Variants in AHNAK observed in about 807,000 individuals in gnomAD.
The protein encoded by AHNAK is AHNAK nucleoprotein, also known as neuroblast differentiation-associated protein AHNAK.
In AHNAK, 23 loss-of-function variants were observed where a neutral mutation model predicts 37.8. The observed-to-expected ratio is 0.61, with a 90% CI of 0.44 to 0.86. The LOEUF (loss-of-function observed/expected upper bound fraction) is 0.86, where lower values mean the gene tolerates loss of function less well. Ranked by LOEUF, AHNAK falls within the 40% of genes least tolerant of loss-of-function variation. AHNAK has a pLI of 0.00. For missense variants in AHNAK, 7,411 were observed against 7,319.4 expected, an observed-to-expected ratio of 1.01 and a Z score of -0.46; for synonymous variants, 2,481 against 2,636.3, an observed-to-expected ratio of 0.94 and a Z score of 1.80.
downstream of AHNAK, among the ~76,000 whole-genome samples, chr11:62,514,486 G>C (rs931405307): frequency 3.3e-5 from 5 of 152,190 alleles, no homozygotes; most frequent in African/African-American, 1.2e-4. Context: ...TGCAGCAGGG[G>C]GTTTCTGTAG....
At chr11:62,453,006 G>A (rs1437663951) in intron 5 of AHNAK, among the ~76,000 whole-genome samples, 1 of 152,060 alleles carries the variant, frequency 6.6e-6, no homozygotes, top group Non-Finnish European at 1.5e-5. Context: ...GTGGGCAACA[G>A]AGCGAGACTC....
In AHNAK at chr11:62,441,239, T is replaced by C. The variant is rs909787068; in HGVS notation, c.443-7348A>G. Among the ~76,000 whole-genome samples the C allele has an allele frequency of 1.7e-4, 26 of 151,966 alleles. 1 individual carries two copies. The highest frequency in any genetic ancestry group is 6.0e-4 in the African/African-American group (25 of 41,472). On this transcript the variant is annotated intron_variant, in intron 5 of 5. Transcript: ENST00000257247. ...CTAGTCTCGAACTCCTGACCTCAAG[T>C]GATCTGCCCACCTTGGCCTCCCAAA...
At chr11:62,495,819 C>T (rs1939597970) in intron 4 of AHNAK, among the ~76,000 whole-genome samples, 1 of 150,762 alleles carries the variant, frequency 6.6e-6, no homozygotes, top group Admixed American at 6.6e-5. Context: ...GAAGCCAAGG[C>T]GGTTGAATTA....
chr11:62,480,518 G>A (rs371586105), intron 5 of AHNAK, among the ~76,000 whole-genome samples: 5 of 151,872 alleles, frequency 3.3e-5, no homozygotes, highest in African/African-American at 1.2e-4. Flanking sequence ...AAAATTAGCC[G>A]GGCACGGTGG....
intron 4 of AHNAK, among the ~76,000 whole-genome samples, chr11:62,496,663 C>T (rs1400782698): frequency 5.3e-5 from 8 of 151,964 alleles, no homozygotes; most frequent in Non-Finnish European, 1.5e-5. Flanking sequence ...GGCGTGGTGG[C>T]GCGTGCCTGT....
In AHNAK at chr11:62,528,962, C is replaced by A; in HGVS notation, c.5455G>T (p.Gly1819Cys). The change falls in exon 5 of 5, where the codon GGT (glycine) becomes TGT (cysteine). Residue 1819 changes from glycine (G) to cysteine (C), a missense_variant. By Grantham distance (159) the Gly-to-Cys change is radical. Transcript: ENST00000378024. The part of the protein sequence containing the change: ...DLRGPQVDVK[G>C]PFVEAEVPDV... ...GGCACCTCCGCTTCCACAAAAGGAC[C>A]TTTGACATCAACTTGCGGCCCTCTG... 6.2e-7 allele frequency: 1 copy of A among 1,614,170 alleles called. No individual in the cohort carries two copies. Among genetic ancestry groups the A allele is most frequent in the Non-Finnish European group, 8.5e-7 (1 of 1,180,026 alleles).
At position 62,519,596 on chromosome 11, in the gene AHNAK, C is replaced by T. The variant is rs1940154946; in HGVS notation, c.14821G>A (p.Glu4941Lys). ...GFSGPKLEGG[E>K]VDLKGPKVEA... ...ACTTTGGGTCCCTTGAGGTCCACTT[C>T]ACCACCTTCTAACTTCGGACCTGAA... The change falls in exon 5 of 5, where the codon GAA (glutamate) becomes AAA (lysine). Residue 4941 changes from glutamate to lysine, a missense_variant. Glu to Lys is a moderately conservative substitution (Grantham distance 56). Coordinates refer to ENST00000378024, the MANE Select transcript of AHNAK (RefSeq NM_001620.3). 1 of 1,613,480 alleles carries T rather than the reference C, an allele frequency of 6.2e-7. No homozygotes were observed. Among genetic ancestry groups the T allele is most frequent in the Non-Finnish European group, 8.5e-7 (1 of 1,179,816 alleles).
intron 5 of AHNAK, among the ~76,000 whole-genome samples, chr11:62,446,052 C>G (rs1426526015): frequency 6.6e-6 from 1 of 152,104 alleles, no homozygotes; most frequent in African/African-American, 2.4e-5. Flanking sequence ...TCATCCTATT[C>G]TGGGTGGTAC....
chr11:62,489,754 G>T (rs367586657), intron 5 of AHNAK, among the ~76,000 whole-genome samples: 1 of 152,020 alleles, frequency 6.6e-6, no homozygotes, highest in East Asian at 1.9e-4. Context: ...CCAAGAGGTT[G>T]CCCGGAGAGA....
chr11:62,500,659 G>A (rs935952440), intron 4 of AHNAK, among the ~76,000 whole-genome samples: 6 of 152,114 alleles, frequency 3.9e-5, no homozygotes, highest in East Asian at 1.9e-4. Context: ...CTATAGAACC[G>A]CCTCAACATC....
Position 62,522,037 on chromosome 11 carries a change from G to A in AHNAK, c.12380C>T (p.Pro4127Leu), listed in dbSNP as rs375049429. 2.4e-5 allele frequency: 39 copies of A among 1,613,856 alleles called. No individual in the cohort carries two copies. Among genetic ancestry groups the A allele is most frequent in the South Asian group, 6.6e-5 (6 of 91,068 alleles). Residue 4127 changes from proline to leucine, a missense_variant, in exon 5 of 5, where the codon CCG (proline) becomes CTG (leucine). Physicochemically the swap from Pro to Leu is moderately conservative, Grantham distance 98. Coordinates refer to ENST00000378024, the MANE Select transcript of AHNAK (RefSeq NM_001620.3). ...GTCAACTTCAGGCATAGAGATCTTC[G>A]GTGCCTTGAGGTGCAGGTCAGGCAT... ...FKMPDLHLKA[P>L]KISMPEVDLN...
chr11:62,455,476 C>T lies in AHNAK; in HGVS notation c.443-21585G>A, dbSNP rs550656649. 2.8e-4 allele frequency among the ~76,000 whole-genome samples: 43 copies of T among 151,896 alleles called. No homozygotes were observed. The East Asian group carries it at 7.4e-3, about 26-fold the overall frequency. Reference sequence around the variant, plus strand: ...ATCCCAGCACATTGGGAGGTCAAGGCGGGCGGATCTCCTGAGGTCGGCAGT... The same window carrying T: ...ATCCCAGCACATTGGGAGGTCAAGGTGGGCGGATCTCCTGAGGTCGGCAGT... On this transcript the variant is annotated intron_variant, in intron 5 of 5. Coordinates refer to the AHNAK transcript ENST00000257247.
chr11:62,476,186 G>A (rs1939141413), intron 5 of AHNAK, among the ~76,000 whole-genome samples: 2 of 152,128 alleles, frequency 1.3e-5, no homozygotes, highest in Admixed American at 6.6e-5. Flanking sequence ...TCAGGAGTTC[G>A]AGATCAGCCT....
intron 5 of AHNAK, among the ~76,000 whole-genome samples, chr11:62,479,051 C>A (rs1590616139): frequency 1.3e-5 from 2 of 152,010 alleles, no homozygotes; most frequent in Non-Finnish European, 2.9e-5. Flanking sequence ...AATTTCTTTT[C>A]ATTAATGTTG....
chr11:62,440,856 T>G (rs1938292033), intron 5 of AHNAK, among the ~76,000 whole-genome samples: 1 of 152,202 alleles, frequency 6.6e-6, no homozygotes, highest in Non-Finnish European at 1.5e-5. Context: ...AGACACTATT[T>G]CTAAACACTT....
At chr11:62,494,525 T>C (rs1939571288) in intron 4 of AHNAK, among the ~76,000 whole-genome samples, 1 of 151,958 alleles carries the variant, frequency 6.6e-6, no homozygotes, top group African/African-American at 2.4e-5. Flanking sequence ...AAGAAGAAAC[T>C]GAAGTACAGA....
Position 62,523,580 on chromosome 11 carries a change from G to A in AHNAK, c.10837C>T (p.Pro3613Ser), listed in dbSNP as rs368967935. 2.5e-6 allele frequency: 4 copies of A among 1,613,930 alleles called. No homozygotes were observed. The highest frequency in any genetic ancestry group is 3.4e-6 in the Non-Finnish European group (4 of 1,180,016). The change falls in exon 5 of 5, where the codon CCT becomes TCT. Residue 3613 changes from proline to serine, a missense_variant. Transcript: ENST00000378024. ...TCAGGGCCTTCTCCTTTGAAGCCAG[G>A]CATGCTGAACTTGGGCATTTTCACT... ...PKVKMPKFSMPGFKGEGPEVD... is the reference protein window; with the variant it reads ...PKVKMPKFSMSGFKGEGPEVD...
Position 62,526,275 on chromosome 11 carries a change from T to C in AHNAK, c.8142A>G (p.Leu2714=), listed in dbSNP as rs773410658. Residue 2714 remains leucine (L), a synonymous_variant, in exon 5 of 5, where the codon TTA becomes TTG. Transcript: ENST00000378024. ...APKISMPDID[L]NLKGPKVKGD... is the part of the protein sequence containing the mutation. The stretch of plus-strand genomic sequence containing the variant: ...CCTTCACTTTGGGTCCTTTCAGGTT[T>C]AAGTCAATATCAGGCATGGAGATCT... 3 of 1,613,040 alleles carry C rather than the reference T, an allele frequency of 1.9e-6. No individual in the cohort carries two copies. Among genetic ancestry groups the C allele is most frequent in the Non-Finnish European group, 2.5e-6 (3 of 1,179,724 alleles).
Position 62,461,131 on chromosome 11 carries a change from G to A in AHNAK, c.443-27240C>T, listed in dbSNP as rs558662081. 1.9e-3 allele frequency among the ~76,000 whole-genome samples: 274 copies of A among 141,454 alleles called. 3 individuals carry two copies. Among genetic ancestry groups the A allele is most frequent in the African/African-American group, 7.0e-3 (265 of 38,030 alleles). The allele number at this position is 141,454 out of a possible 152,430, so 92.8% of individuals were successfully genotyped here. ...ATTACAGGCGTGGGCCACCACGCCCGGCCAAATTCCCCTTTTTTTTTTTTT... is the reference window on the plus strand; with the variant it reads ...ATTACAGGCGTGGGCCACCACGCCCAGCCAAATTCCCCTTTTTTTTTTTTT... On this transcript the variant is annotated intron_variant, in intron 5 of 5. Transcript: ENST00000257247.
Sources: allele counts gnomAD v4.1 joint callset (sites outside exome capture counted in the v4.1 genomes callset), GRCh38; gene constraint gnomAD v4.1.1; transcripts MANE v1.5; gene names NCBI Gene and HGNC (gene_info 2026-07-23, HGNC 2026-07-21).